P2RY8: variants seen among roughly 807,000 people sequenced by gnomAD.
P2RY8 encodes the protein S-geranylgeranyl-glutathione receptor P2RY8.
In P2RY8, 6 loss-of-function variants were observed where a neutral mutation model predicts 10.0. The observed-to-expected ratio is 0.60, with a 90% CI of 0.33 to 1.19. P2RY8 has a LOEUF of 1.19. Among genes scored for constraint, P2RY8 ranks in the 50% most tolerant of loss-of-function variants. P2RY8 has a pLI of 0.04. For missense variants in P2RY8, 456 were observed against 542.0 expected (o/e 0.84, Z 1.58); for synonymous variants, 276 against 252.5 (o/e 1.09, Z -0.88).
chrX:1,501,464 C>T (rs145606994), intron 1 of P2RY8, among the ~76,000 whole-genome samples: 89 of 152,154 alleles, frequency 5.8e-4, no homozygotes, highest in African/African-American at 2.1e-3. Context: ...TGGCCTGAAC[C>T]GATCCTCCCA....
At chrX:1,509,374 TTCTATCTATCTATCTATCTA>T (rs779648095) in intron 1 of P2RY8, among the ~76,000 whole-genome samples, 18,442 of 130,908 alleles carry the variant, frequency 0.14, 983 homozygotes, top group Non-Finnish European at 0.21. Flanking sequence ...CATCCATCTA[TTCTATCTATCTATCTATCTA>T]TCTATCTATC....
At chrX:1,509,943 CATCT>C (rs1299037499) in intron 1 of P2RY8, among the ~76,000 whole-genome samples, 4 of 146,988 alleles carry the variant, frequency 2.7e-5, no homozygotes, top group Non-Finnish European at 6.0e-5. Context: ...TGTATCCATC[CATCT>C]ATGTAAATAT....
intron 1 of P2RY8, among the ~76,000 whole-genome samples, chrX:1,510,038 A>G (rs1458850081): frequency 6.6e-6 from 1 of 151,932 alleles, no homozygotes; most frequent in Non-Finnish European, 1.5e-5. Flanking sequence ...GTATCTAACT[A>G]TCCTCTATCT....
chrX:1,467,831 A>G (rs189426307), intron 1 of P2RY8, among the ~76,000 whole-genome samples: 2 of 149,294 alleles, frequency 1.3e-5, no homozygotes, highest in East Asian at 2.0e-4. Context: ...TGAGAGTACA[A>G]CCACGCCCAG....
intron 1 of P2RY8, among the ~76,000 whole-genome samples, chrX:1,522,331 G>A (rs1439335888): frequency 6.6e-6 from 1 of 151,986 alleles, no homozygotes; most frequent in Non-Finnish European, 1.5e-5. Context: ...TACCTCAGGG[G>A]GATTTATTGC....
At position 1,465,866 on chromosome X, in the gene P2RY8, C is replaced by G; in HGVS notation, c.693G>C (p.Gln231His). The G allele has an allele frequency of 1.2e-6, 2 of 1,612,502 alleles. No individual in the cohort carries two copies. Among genetic ancestry groups the G allele is most frequent in the South Asian group, 2.2e-5 (2 of 91,036 alleles). ...CGGCCAGGCCCACCGCGCGCCTCCG[C>G]TGCTCCCGGCCGTGCGCCTCCTCCG... ...LRTEEAHGREQRRRAVGLAAV... is the reference protein window; with the variant it reads ...LRTEEAHGREHRRRAVGLAAV... Residue 231 changes from glutamine (Q) to histidine (H), a missense_variant, in exon 2 of 2, where the codon CAG (glutamine) becomes CAC (histidine). Gln to His is a conservative substitution (Grantham distance 24, BLOSUM62 0). Transcript: ENST00000381297.
chrX:1,509,130 TC>T lies in P2RY8; in HGVS notation c.-25+27790del, dbSNP rs2092267860. Reference sequence around the variant, plus strand: ...ATCTATCTATCTATCTATCTATCTATCTATCTATCTATCATCTATGTATCCA... The same window carrying T: ...ATCTATCTATCTATCTATCTATCTATTATCTATCTATCATCTATGTATCCA... On this transcript the variant is annotated intron_variant, in intron 1 of 1. Coordinates refer to ENST00000381297, the MANE Select transcript of P2RY8 (RefSeq NM_178129.5). Among the ~76,000 whole-genome samples, 6 of 151,900 alleles carry T rather than the reference TC, an allele frequency of 3.9e-5. No homozygotes were observed. In the South Asian group the frequency reaches 1.3e-3, roughly 32 times the overall value.
chrX:1,473,635 G>A lies in P2RY8; in HGVS notation c.-24-7053C>T, dbSNP rs111161762. 4.1e-3 allele frequency among the ~76,000 whole-genome samples: 626 copies of A among 151,016 alleles called. 9 individuals carry two copies. Among genetic ancestry groups the A allele is most frequent in the African/African-American group, 0.015 (610 of 41,078 alleles). The stretch of plus-strand genomic sequence containing the variant: ...CAGTGTTTAGATAGGTGGATGTGTG[G>A]GTGGATGAATGGATGGATTGATGGG... On this transcript the variant is annotated intron_variant, in intron 1 of 1. Coordinates refer to ENST00000381297, the MANE Select transcript of P2RY8 (RefSeq NM_178129.5).
intron 1 of P2RY8, among the ~76,000 whole-genome samples, chrX:1,524,653 C>G (rs756568799): frequency 0.5 from 8,750 of 17,386 alleles, 1,519 homozygotes; most frequent in Non-Finnish European, 0.54. Flanking sequence ...ATACATCCAT[C>G]CATCCATCCA....
rs1280572193 is a variant in P2RY8, at chrX:1,465,876, C to A, written c.683G>T (p.Gly228Val). 1.9e-6 allele frequency: 3 copies of A among 1,612,296 alleles called. No individual in the cohort carries two copies. The highest frequency in any genetic ancestry group is 2.5e-6 in the Non-Finnish European group (3 of 1,179,666). Residue 228 changes from glycine to valine, a missense_variant, in exon 2 of 2, where the codon GGC becomes GTC. Coordinates refer to ENST00000381297, the MANE Select transcript of P2RY8 (RefSeq NM_178129.5). ...CACCGCGCGCCTCCGCTGCTCCCGGCCGTGCGCCTCCTCCGTGCGCAACAG... is the reference window on the plus strand; with the variant it reads ...CACCGCGCGCCTCCGCTGCTCCCGGACGTGCGCCTCCTCCGTGCGCAACAG... ...LKLLRTEEAHGREQRRRAVGL... is the reference protein window; with the variant it reads ...LKLLRTEEAHVREQRRRAVGL...
At chrX:1,521,539 C>G (rs1448476998) in intron 1 of P2RY8, among the ~76,000 whole-genome samples, 4 of 152,186 alleles carry the variant, frequency 2.6e-5, no homozygotes, top group African/African-American at 9.7e-5. Context: ...CACTGTCACC[C>G]TGGCATCAGC....
chrX:1,465,826 C>A lies in P2RY8; in HGVS notation c.733G>T (p.Ala245Ser). 6.2e-7 allele frequency: 1 copy of A among 1,613,158 alleles called. No individual in the cohort carries two copies. Among genetic ancestry groups the A allele is most frequent in the Non-Finnish European group, 8.5e-7 (1 of 1,179,780 alleles). The part of the protein sequence containing the change: ...AVGLAAVVLL[A>S]FVTCFAPNNF... ...TTGGGGGCGAAGCAGGTGACAAAGG[C>A]CAGCAAGACCACCGCGGCCAGGCCC... The change falls in exon 2 of 2, where the codon GCC (alanine) becomes TCC (serine). Residue 245 changes from alanine (A) to serine (S), a missense_variant. By Grantham distance (99) the Ala-to-Ser change is moderately conservative. Transcript: ENST00000381297.
At chrX:1,515,719 T>C (rs1192902131) in intron 1 of P2RY8, among the ~76,000 whole-genome samples, 1 of 151,956 alleles carries the variant, frequency 6.6e-6, no homozygotes, top group Non-Finnish European at 1.5e-5. Context: ...ACCCTCTGGC[T>C]CTTACTCACT....
Position 1,466,401 on chromosome X carries a change from C to T in P2RY8, c.158G>A (p.Gly53Glu). The T allele has an allele frequency of 6.2e-7, 1 of 1,613,498 alleles. No individual in the cohort carries two copies. The highest frequency in any genetic ancestry group is 8.5e-7 in the Non-Finnish European group (1 of 1,179,858). The change falls in exon 2 of 2, where the codon GGG becomes GAG. Residue 53 changes from glycine (G) to glutamate (E), a missense_variant. Coordinates refer to ENST00000381297, the MANE Select transcript of P2RY8 (RefSeq NM_178129.5). ...FSLWVLCRRM[G>E]PRSPSVIFMI... ...GAAGATGACCGACGGGGATCTGGGCCCCATGCGCCGGCACAGCACCCACAG... is the reference window on the plus strand; with the variant it reads ...GAAGATGACCGACGGGGATCTGGGCTCCATGCGCCGGCACAGCACCCACAG...
At chrX:1,524,957 C>A (rs1263186977) in intron 1 of P2RY8, among the ~76,000 whole-genome samples, 4 of 152,162 alleles carry the variant, frequency 2.6e-5, no homozygotes, top group Non-Finnish European at 4.4e-5. Flanking sequence ...ATTCACCTGT[C>A]TACAGTGAGG....
chrX:1,516,400 C>A (rs1344009588), intron 1 of P2RY8, among the ~76,000 whole-genome samples: 4 of 152,042 alleles, frequency 2.6e-5, no homozygotes, highest in Non-Finnish European at 4.4e-5. Flanking sequence ...CCAGCCCTGC[C>A]CACACCTGGA....
chrX:1,484,048 C>T (rs2091964015), intron 1 of P2RY8, among the ~76,000 whole-genome samples: 1 of 151,056 alleles, frequency 6.6e-6, no homozygotes, highest in South Asian at 2.1e-4. Context: ...CAAAGCTGGA[C>T]TCCCCTAAAC....
intron 1 of P2RY8, among the ~76,000 whole-genome samples, chrX:1,513,437 C>T (rs757338028): frequency 6.6e-6 from 1 of 152,254 alleles, no homozygotes; most frequent in East Asian, 1.9e-4. Flanking sequence ...TCCCTCCTGC[C>T]TCTCCAAGCT....
At chrX:1,512,222 C>G (rs1355563515) in intron 1 of P2RY8, among the ~76,000 whole-genome samples, 2 of 152,066 alleles carry the variant, frequency 1.3e-5, no homozygotes, top group Non-Finnish European at 2.9e-5. Context: ...CAGGCAGGCC[C>G]ACGGTATTAG....
Sources: gnomAD v4.1 joint callset for allele counts (sites outside exome capture counted in the v4.1 genomes callset) on GRCh38, gnomAD v4.1.1 for gene constraint, MANE v1.5 for transcripts, NCBI Gene and HGNC (gene_info 2026-07-23, HGNC 2026-07-21) for gene names.